ATXN8OS: variants seen among roughly 807,000 people sequenced by gnomAD.
The protein encoded by ATXN8OS is ATXN8 opposite strand (non-protein coding).
intron 2 of ATXN8OS, among the ~76,000 whole-genome samples, chr13:70,127,466 AAACT>A (rs1293364340): frequency 3.9e-5 from 6 of 152,104 alleles, no homozygotes; most frequent in African/African-American, 9.6e-5. Context: ...TTCTAAAAAT[AAACT>A]AACATAGAGA....
intron 4 of ATXN8OS, among the ~76,000 whole-genome samples, chr13:70,147,487 G>C (rs1888801463): frequency 6.6e-6 from 1 of 152,048 alleles, no homozygotes; most frequent in South Asian, 2.1e-4. Flanking sequence ...TTTCTTCACT[G>C]CCAATCCTGT....
At chr13:70,131,177 A>G (rs536049965) in intron 3 of ATXN8OS, 1 of 398,508 alleles carries the variant, frequency 2.5e-6, no homozygotes, top group Admixed American at 4.4e-5. Flanking sequence ...GAAAGTCAAT[A>G]TAGAGAGTAA....
chr13:70,122,882 C>T (rs1280209029), intron 2 of ATXN8OS, among the ~76,000 whole-genome samples: 1 of 151,906 alleles, frequency 6.6e-6, no homozygotes, highest in African/African-American at 2.4e-5. Flanking sequence ...GCAACCAGAC[C>T]TGGATTTTAA....
At chr13:70,152,303 T>A (rs1433862300) in intron 4 of ATXN8OS, among the ~76,000 whole-genome samples, 1 of 151,964 alleles carries the variant, frequency 6.6e-6, no homozygotes, top group African/African-American at 2.4e-5. Context: ...TTAGCACTAT[T>A]TATGTTTTCT....
chr13:70,167,653 A>C (rs1303027822), intron 4 of ATXN8OS, among the ~76,000 whole-genome samples: 1 of 150,810 alleles, frequency 6.6e-6, no homozygotes, highest in African/African-American at 2.4e-5. Context: ...TAAAACTTAA[A>C]GTATAATAAT....
intron 3 of ATXN8OS, among the ~76,000 whole-genome samples, chr13:70,135,754 ATTC>A (rs1388704073): frequency 6.6e-6 from 1 of 152,166 alleles, no homozygotes; most frequent in Non-Finnish European, 1.5e-5. Flanking sequence ...CACTATTAAG[ATTC>A]TTCTGTCACT....
At chr13:70,107,882 A>G in exon 1 of ATXN8OS, 1 of 544,578 alleles carries the variant, frequency 1.8e-6, no homozygotes. Context: ...CGCAGACGGC[A>G]AAGCCGCGCG....
chr13:70,147,749 C>A (rs1368740520), intron 4 of ATXN8OS, among the ~76,000 whole-genome samples: 1 of 152,068 alleles, frequency 6.6e-6, no homozygotes, highest in Non-Finnish European at 1.5e-5. Context: ...AGGTTAAGGA[C>A]CATGGCCTGT....
In ATXN8OS at chr13:70,139,493, C is replaced by T. The variant is rs302018; in HGVS notation, n.500-7862C>T. The T allele has an allele frequency of 0.63, 370,041 of 588,752 alleles. 122,740 individuals are homozygous for T. Among genetic ancestry groups the T allele is most frequent in the African/African-American group, 0.74 (39,400 of 53,444 alleles). The allele number at this position is 588,752 out of a possible 1,614,324, so 36.5% of individuals were successfully genotyped here. A position where few individuals can be genotyped will look rare whatever the true frequency, so the allele number is the denominator to read the frequency against. ...GTTATAATTGTTATATATTTTTCCACACTTCCTCATACTGCTTATCTCTTA... is the reference window on the plus strand; with the variant it reads ...GTTATAATTGTTATATATTTTTCCATACTTCCTCATACTGCTTATCTCTTA... On this transcript the variant is annotated intron_variant and non_coding_transcript_variant, in intron 3 of 4. Transcript: ENST00000678624.
At chr13:70,128,493 CTTACT>C (rs1210279197) in intron 2 of ATXN8OS, among the ~76,000 whole-genome samples, 1 of 151,720 alleles carries the variant, frequency 6.6e-6, no homozygotes, top group Non-Finnish European at 1.5e-5. Context: ...GTAGAAACAC[CTTACT>C]TTAGAGGTAG....
intron 1 of ATXN8OS, among the ~76,000 whole-genome samples, chr13:70,111,228 T>C (rs950320000): frequency 6.6e-6 from 1 of 152,224 alleles, no homozygotes; most frequent in Non-Finnish European, 1.5e-5. Context: ...AACTCAAATA[T>C]TTAAACAATA....
At chr13:70,118,616 C>T (rs1378541720) in intron 2 of ATXN8OS, among the ~76,000 whole-genome samples, 4 of 151,856 alleles carry the variant, frequency 2.6e-5, no homozygotes, top group Non-Finnish European at 4.4e-5. Context: ...TAATTTGTTT[C>T]AAAGAAACAG....
chr13:70,142,795 C>T (rs1593770217), intron 3 of ATXN8OS, among the ~76,000 whole-genome samples: 2 of 152,220 alleles, frequency 1.3e-5, no homozygotes, highest in South Asian at 4.1e-4. Flanking sequence ...ATAAATGCGG[C>T]CGGCCGCAGG....
At chr13:70,149,357 G>C (rs1349489630) in intron 4 of ATXN8OS, among the ~76,000 whole-genome samples, 2 of 151,896 alleles carry the variant, frequency 1.3e-5, no homozygotes. Context: ...GGAAAACATA[G>C]GATTGTAATA....
intron 4 of ATXN8OS, among the ~76,000 whole-genome samples, chr13:70,166,738 C>T (rs1226825147): frequency 6.6e-6 from 1 of 152,080 alleles, no homozygotes; most frequent in Non-Finnish European, 1.5e-5. Context: ...AGGCAACCTA[C>T]ACAATGGGAG....
At chr13:70,121,089 G>T (rs926823115) in intron 2 of ATXN8OS, among the ~76,000 whole-genome samples, 1 of 151,654 alleles carries the variant, frequency 6.6e-6, no homozygotes, top group African/African-American at 2.4e-5. Context: ...AAAGAGAGAA[G>T]CCATCCTTGT....
intron 3 of ATXN8OS, among the ~76,000 whole-genome samples, chr13:70,135,531 TC>T (rs1888600668): frequency 1.3e-5 from 2 of 152,172 alleles, no homozygotes; most frequent in Non-Finnish European, 2.9e-5. Context: ...GATTTCTATT[TC>T]TCATATCACC....
intron 4 of ATXN8OS, among the ~76,000 whole-genome samples, chr13:70,147,727 T>A (rs1464392981): frequency 1.3e-5 from 2 of 151,958 alleles, no homozygotes; most frequent in Non-Finnish European, 2.9e-5. Flanking sequence ...AAGTTAGAGG[T>A]TTATTTTGCC....
rs528772967 is a variant in ATXN8OS at position 70,150,828 on chromosome 13, A to G, written n.573+3400A>G. ...GGGTGCAAAGCCATGCTTCACTACC[A>G]CAAAACTTGTCATATTCATTTTATT... On this transcript the variant is annotated intron_variant and non_coding_transcript_variant, in intron 4 of 4. Transcript: ENST00000678624. 2.2e-4 allele frequency among the ~76,000 whole-genome samples: 33 copies of G among 152,258 alleles called. No homozygotes were observed. The South Asian group carries it at 2.5e-3, about 11-fold the overall frequency.
Sources: allele counts gnomAD v4.1 joint callset (sites outside exome capture counted in the v4.1 genomes callset), GRCh38; gene constraint gnomAD v4.1.1; transcripts MANE v1.5; gene names NCBI Gene and HGNC (gene_info 2026-07-23, HGNC 2026-07-21).